Variants in CORO7 observed in about 807,000 individuals in gnomAD.
CORO7 encodes coronin 7, also known as coronin-7.
CORO7 carries 107 observed loss-of-function variants against 126.6 expected under a neutral mutation model. That is an observed-to-expected ratio of 0.85 (90% CI 0.72 to 0.99). CORO7 has a LOEUF of 0.99. Ranked by LOEUF, CORO7 falls within the 50% of genes least tolerant of loss-of-function variation. CORO7 has a pLI of 0.00. For synonymous variants in CORO7, 603 were observed against 536.8 expected (o/e 1.12, Z -1.70); for missense variants, 1,314 against 1,255.8 (o/e 1.05, Z -0.70).
intron 9 of CORO7, chr16:4,383,018 CTG>C: frequency 8.9e-7 from 1 of 1,129,836 alleles, no homozygotes; most frequent in South Asian, 1.7e-5. Context: ...GCAGACAGGG[CTG>C]TGTGACCACA....
chr16:4,405,374 C>A, intron 6 of CORO7, 117 bp downstream of exon 6: 1 of 1,177,234 alleles, frequency 8.5e-7, no homozygotes, highest in Non-Finnish European at 1.2e-6. Context: ...AGATGACCAT[C>A]CTGACCTCAG....
chr16:4,373,262 G>T (rs1232721451), intron 9 of CORO7, among the ~76,000 whole-genome samples: 3 of 152,090 alleles, frequency 2.0e-5, no homozygotes, highest in Non-Finnish European at 4.4e-5. Context: ...AGCCCAGCTG[G>T]ATCCCCTCCA....
chr16:4,355,748 C>T (rs1033540701), intron 26 of CORO7: 20 of 205,312 alleles, frequency 9.7e-5, no homozygotes, highest in Admixed American at 7.4e-4. Context: ...GGATTACAGG[C>T]GTGAGCCACA....
intron 9 of CORO7, 83 bp from the exon 10 acceptor site, chr16:4,365,628 GCAC>G: frequency 6.6e-7 from 1 of 1,519,020 alleles, no homozygotes; most frequent in Non-Finnish European, 8.9e-7. Flanking sequence ...CCCAGGACAG[GCAC>G]CACAGTGACT....
chr16:4,372,796 C>T (rs1342890012), intron 9 of CORO7, among the ~76,000 whole-genome samples: 5 of 152,186 alleles, frequency 3.3e-5, no homozygotes, highest in South Asian at 2.1e-4. Context: ...GGTCACTGAC[C>T]GCCTCCCCTG....
chr16:4,412,831 C>T (rs934888), intron 2 of CORO7: 180,789 of 249,916 alleles, frequency 0.72, 65,891 homozygotes, highest in Non-Finnish European at 0.76. Context: ...AGCCTTTGGG[C>T]ACCGATCTGC....
At chr16:4,394,594 G>C (rs1477869133) in intron 7 of CORO7, among the ~76,000 whole-genome samples, 1 of 152,176 alleles carries the variant, frequency 6.6e-6, no homozygotes, top group Non-Finnish European at 1.5e-5. Flanking sequence ...GCATTACTCA[G>C]GCCTCTGCTC....
At position 4,416,575 on chromosome 16, in the gene CORO7, T is replaced by C. The variant is rs2056420687; in HGVS notation, c.-57A>G. On this transcript the variant is annotated 5_prime_UTR_variant, in exon 1 of 28. Coordinates refer to ENST00000251166, the MANE Select transcript of CORO7 (RefSeq NM_024535.5). ...AGGACCCCGGGCGTCGGGTCTCAGG[T>C]GCACGCTGAGCAACCGCGACTCCCG... The C allele has an allele frequency of 3.2e-6, 5 of 1,557,496 alleles. No individual in the cohort carries two copies. Among genetic ancestry groups the C allele is most frequent in the Non-Finnish European group, 3.5e-6 (4 of 1,157,252 alleles).
At chr16:4,355,783 T>C (rs1449039129) in intron 26 of CORO7, among the ~76,000 whole-genome samples, 1 of 151,854 alleles carries the variant, frequency 6.6e-6, no homozygotes, top group Non-Finnish European at 1.5e-5. Context: ...TGTTTGTTTG[T>C]TTGTTTTAGA....
chr16:4,391,128 A>C (rs1438353668), intron 7 of CORO7, among the ~76,000 whole-genome samples: 1 of 152,210 alleles, frequency 6.6e-6, no homozygotes, highest in Admixed American at 6.5e-5. Flanking sequence ...CACCAGTATC[A>C]AAAATGAGAG....
At chr16:4,405,606 G>C (rs1596335793) in intron 5 of CORO7, 39 bp from the exon 6 acceptor site, 2 of 1,602,800 alleles carry the variant, frequency 1.2e-6, no homozygotes, top group East Asian at 4.5e-5. Flanking sequence ...CGGGCAGTGA[G>C]GGCACCAGGG....
rs377442372 is a variant in CORO7 at position 4,361,005 on chromosome 16, C to T, written c.1855G>A (p.Val619Ile). 3 of 1,613,216 alleles carry T rather than the reference C, an allele frequency of 1.9e-6. No individual in the cohort carries two copies. The highest frequency in any genetic ancestry group is 2.5e-6 in the Non-Finnish European group (3 of 1,180,010). The change falls in exon 19 of 28, where the codon GTT (valine) becomes ATT (isoleucine). Residue 619 changes from valine to isoleucine, a missense_variant. By Grantham distance (29) the Val-to-Ile change is conservative. Coordinates refer to ENST00000251166, the MANE Select transcript of CORO7 (RefSeq NM_024535.5). ...CCAGCCTGAAGGTCCCAGATGCGAA[C>T]AGTGAGGTCATAGGAGGACGAGGCC... ...VLASSSYDLT[V>I]RIWDLQAGAD... is the part of the protein sequence containing the mutation.
intron 4 of CORO7, 25 bp from the exon 5 acceptor site, chr16:4,407,709 G>C: frequency 6.4e-6 from 10 of 1,553,658 alleles, no homozygotes; most frequent in Non-Finnish European, 8.7e-6. Context: ...AAGTCCGTGA[G>C]CACAGGGCTG....
At chr16:4,412,685 G>C in intron 2 of CORO7, 1 of 521,500 alleles carries the variant, frequency 1.9e-6, no homozygotes, top group Non-Finnish European at 3.4e-6. Flanking sequence ...CGGGTCATAC[G>C]AAAGGGGCGT....
intron 7 of CORO7, among the ~76,000 whole-genome samples, chr16:4,392,981 C>T (rs2055449494): frequency 6.6e-6 from 1 of 152,256 alleles, no homozygotes; most frequent in Non-Finnish European, 1.5e-5. Flanking sequence ...CTTCGAGGAG[C>T]TGGGAGCCCC....
In CORO7 at chr16:4,362,836, G is replaced by A; in HGVS notation, c.1276-98C>T. The A allele has an allele frequency of 1.6e-6, 2 of 1,248,050 alleles. No individual in the cohort carries two copies. The highest frequency in any genetic ancestry group is 2.0e-6 in the Non-Finnish European group (2 of 991,444). The allele number at this position is 1,248,050 out of a possible 1,614,324, so 77.3% of individuals were successfully genotyped here. A position where few individuals can be genotyped will look rare whatever the true frequency, so the allele number is the denominator to read the frequency against. ...CCAGGGTCACCACTCTGGGCCCCCT[G>A]CGGACTGGAGGAGCCCCCACTGTGG... On this transcript the variant is annotated intron_variant, in intron 14 of 27. Transcript: ENST00000251166. This position sits in a 1 kb window ranked among gnomAD's most constrained non-coding sequence, Gnocchi z 5.3.
chr16:4,371,888 G>T (rs1023698355), intron 9 of CORO7: 2 of 152,108 alleles, frequency 1.3e-5, no homozygotes, highest in African/African-American at 4.8e-5. Context: ...ACGCGGACTC[G>T]AACGCAGTTG....
intron 13 of CORO7, 32 bp from the exon 14 acceptor site, chr16:4,364,445 G>T (rs2054282403): frequency 6.7e-7 from 1 of 1,487,270 alleles, no homozygotes. Flanking sequence ...GGAGATGGGG[G>T]CATGGGCTGC....
intron 9 of CORO7, among the ~76,000 whole-genome samples, chr16:4,369,933 G>A (rs984243220): frequency 6.6e-6 from 1 of 152,050 alleles, no homozygotes; most frequent in African/African-American, 2.4e-5. Context: ...AACCATACAA[G>A]GCAATGTTGG....
Sources: allele counts gnomAD v4.1 joint callset (sites outside exome capture counted in the v4.1 genomes callset), GRCh38; gene constraint gnomAD v4.1.1; non-coding constraint Gnocchi (gnomAD v3.1); transcripts MANE v1.5; gene names NCBI Gene and HGNC (gene_info 2026-07-23, HGNC 2026-07-21).